The following INVS variants were observed in gnomAD, a reference collection of about 807,000 sequenced individuals.
INVS encodes inversin.
Under a neutral mutation model 108.8 loss-of-function variants are expected in INVS, and 86 were observed. The ratio of observed to expected loss-of-function variants is 0.79; its 90% CI spans 0.66 to 0.95. INVS has a LOEUF of 0.95. INVS is among the 40% of genes least tolerant of loss of function. The pLI is 0.00. For synonymous variants in INVS, 455 were observed against 473.5 expected (o/e 0.96, Z 0.51); for missense variants, 1,169 against 1,297.4 (o/e 0.90, Z 1.52).
Position 100,292,782 on chromosome 9 carries a change from G to A in INVS, c.2525G>A (p.Gly842Glu). 3 of 1,614,144 alleles carry A rather than the reference G, an allele frequency of 1.9e-6. No homozygotes were observed. The highest frequency in any genetic ancestry group is 2.5e-6 in the Non-Finnish European group (3 of 1,180,018). ...AAAGTGACACAAGCCAAGCTCACAG[G>A]AGGGCTCTATTCACATTTGCCACAG... ...RNKVTQAKLT[G>E]GLYSHLPQST... Residue 842 changes from glycine to glutamate, a missense_variant, in exon 14 of 17, where the codon GGA becomes GAA. By Grantham distance (98) the Gly-to-Glu change is moderately conservative. Coordinates refer to ENST00000262457, the MANE Select transcript of INVS (RefSeq NM_014425.5).
intron 1 of INVS, among the ~76,000 whole-genome samples, chr9:100,100,957 A>ATATAT (rs1826944382): frequency 2.9e-5 from 1 of 34,364 alleles, no homozygotes; most frequent in Non-Finnish European, 4.3e-5. Context: ...CATATATATT[A>ATATAT]TATATATAAT....
rs866819300 is a variant in INVS, at chr9:100,301,717, T to C, written c.*1043T>C. 1.9e-4 allele frequency among the ~76,000 whole-genome samples: 29 copies of C among 152,310 alleles called. No individual in the cohort carries two copies. In the Middle Eastern group the frequency reaches 0.01, roughly 54 times the overall value. On this transcript the variant is annotated 3_prime_UTR_variant, in exon 17 of 17. Coordinates refer to ENST00000262457, the MANE Select transcript of INVS (RefSeq NM_014425.5). Reference sequence around the variant, plus strand: ...GGTATTTTGGGGGTTGCTTTCATTTTCTTCAGATCAGTGCCACTTCTGTGC... The same window carrying C: ...GGTATTTTGGGGGTTGCTTTCATTTCCTTCAGATCAGTGCCACTTCTGTGC...
intron 2 of INVS, among the ~76,000 whole-genome samples, chr9:100,125,293 G>A (rs748274208): frequency 6.6e-6 from 1 of 152,182 alleles, no homozygotes; most frequent in African/African-American, 2.4e-5. Flanking sequence ...GAAAAGAGGT[G>A]CAGTTTCTTT....
At chr9:100,213,284 A>G (rs761433193) in intron 3 of INVS, among the ~76,000 whole-genome samples, 11 of 152,138 alleles carry the variant, frequency 7.2e-5, no homozygotes, top group Admixed American at 2.6e-4. Context: ...GCTCCTTATC[A>G]TAACATATTA....
chr9:100,124,571 GT>G (rs1445551777), intron 2 of INVS, among the ~76,000 whole-genome samples: 1 of 150,468 alleles, frequency 6.6e-6, no homozygotes. Context: ...AACTAAAGAG[GT>G]TAAAAACAGT....
rs58458085 is a variant in INVS, at chr9:100,273,527, C to CTTTTTTTT, written c.1784+471_1784+478dup. Among the ~76,000 whole-genome samples, 7 of 96,320 alleles carry CTTTTTTTT rather than the reference C, an allele frequency of 7.3e-5. 1 individual carries two copies. The highest frequency in any genetic ancestry group is 1.2e-4 in the Admixed American group (1 of 8,032). The allele number at this position is 96,320 out of a possible 152,430, so 63.2% of individuals were successfully genotyped here. On this transcript the variant is annotated intron_variant, in intron 12 of 16. Coordinates refer to ENST00000262457, the MANE Select transcript of INVS (RefSeq NM_014425.5). ...ACTTGGTTTTTTTTTCCACTCAGTT[C>CTTTTTTTT]TTTTTTTTTTTTTTTTTTTTTTTTT...
At chr9:100,214,654 C>A (rs1412114542) in intron 3 of INVS, among the ~76,000 whole-genome samples, 1 of 152,150 alleles carries the variant, frequency 6.6e-6, no homozygotes, top group Non-Finnish European at 1.5e-5. Context: ...CAACGGGGTC[C>A]ACATTCAGGA....
chr9:100,175,316 C>CA, intron 3 of INVS: 1 of 721,650 alleles, frequency 1.4e-6, no homozygotes, highest in Non-Finnish European at 2.6e-6. Context: ...TGAGATGCCT[C>CA]ACACAGAGTC....
At chr9:100,264,985 C>T in intron 11 of INVS, 57 bp downstream of exon 11, 1 of 1,204,750 alleles carries the variant, frequency 8.3e-7, no homozygotes, top group Non-Finnish European at 1.2e-6. Flanking sequence ...CCCTGTCACT[C>T]AGGTTGGGTT....
chr9:100,251,689 G>A (rs185970262), intron 8 of INVS, among the ~76,000 whole-genome samples: 4 of 152,224 alleles, frequency 2.6e-5, no homozygotes, highest in African/African-American at 7.2e-5. Context: ...GTGCCACCTC[G>A]CTGTTTCTTA....
chr9:100,174,672 G>C (rs1268799843), intron 3 of INVS, among the ~76,000 whole-genome samples: 1 of 152,116 alleles, frequency 6.6e-6, no homozygotes, highest in Non-Finnish European at 1.5e-5. Flanking sequence ...CTGCACTTTG[G>C]GAGGCTGAGG....
chr9:100,132,154 A>T (rs1828073077), intron 3 of INVS, among the ~76,000 whole-genome samples: 1 of 152,150 alleles, frequency 6.6e-6, no homozygotes, highest in African/African-American at 2.4e-5. Context: ...ACCATGTCTT[A>T]TTTGATTTCA....
intron 3 of INVS, among the ~76,000 whole-genome samples, chr9:100,212,595 C>T (rs1483021603): frequency 6.6e-6 from 1 of 152,036 alleles, no homozygotes; most frequent in African/African-American, 2.4e-5. Flanking sequence ...ATTTTTATCC[C>T]TAACCCTATT....
chr9:100,106,862 C>A (rs1267241181), intron 2 of INVS, among the ~76,000 whole-genome samples: 1 of 151,824 alleles, frequency 6.6e-6, no homozygotes, highest in South Asian at 2.1e-4. Flanking sequence ...ACCACAAAGC[C>A]ACACCTAGAA....
At chr9:100,296,754 AT>A (rs1406169640) in intron 14 of INVS, among the ~76,000 whole-genome samples, 162 bp from the exon 15 acceptor site, 1 of 152,232 alleles carries the variant, frequency 6.6e-6, no homozygotes, top group Non-Finnish European at 1.5e-5. Flanking sequence ...TGGAAAAAGA[AT>A]TCCACATTCA....
chr9:100,143,129 A>G (rs886477443), intron 3 of INVS, among the ~76,000 whole-genome samples: 2 of 152,174 alleles, frequency 1.3e-5, no homozygotes, highest in African/African-American at 4.8e-5. Context: ...GTGAAAGCGA[A>G]GAGAGGCTGG....
intron 10 of INVS, among the ~76,000 whole-genome samples, chr9:100,259,760 G>A (rs1394726334): frequency 6.6e-6 from 1 of 152,016 alleles, no homozygotes; most frequent in Non-Finnish European, 1.5e-5. Flanking sequence ...ACATTGGCCA[G>A]GCTGGTCTCG....
At chr9:100,207,397 G>A (rs1188560363) in intron 3 of INVS, among the ~76,000 whole-genome samples, 5 of 152,000 alleles carry the variant, frequency 3.3e-5, no homozygotes, top group Admixed American at 2.0e-4. Context: ...GGATTCAAGC[G>A]ATTCTCATGA....
intron 13 of INVS, 60 bp downstream of exon 13, chr9:100,284,663 G>A: frequency 5.1e-6 from 8 of 1,556,868 alleles, no homozygotes; most frequent in East Asian, 4.5e-5. Context: ...TTTTTGATTG[G>A]TGTATTTAGA....
Sources: gnomAD v4.1 joint callset for allele counts (sites outside exome capture counted in the v4.1 genomes callset) on GRCh38, gnomAD v4.1.1 for gene constraint, MANE v1.5 for transcripts, NCBI Gene and HGNC (gene_info 2026-07-23, HGNC 2026-07-21) for gene names.